Variants in CPEB3 observed in about 807,000 individuals in gnomAD.
CPEB3 encodes the protein cytoplasmic polyadenylation element-binding protein 3.
A neutral mutation model predicts 67.2 loss-of-function variants in CPEB3; 20 were observed. The observed-to-expected ratio is 0.30, with a 90% confidence interval of 0.21 to 0.43. The LOEUF (loss-of-function observed/expected upper bound fraction) is 0.43, where lower values mean the gene tolerates loss of function less well. Ranked by LOEUF, CPEB3 falls within the 20% of genes least tolerant of loss-of-function variation. The probability of loss-of-function intolerance (pLI) is 1.00; values close to 1 mark genes in which losing one functional copy is unlikely to be tolerated. For missense variants in CPEB3, 746 were observed against 968.6 expected, an observed-to-expected ratio of 0.77 and a Z score of 3.05; for synonymous variants, 376 against 393.1, an observed-to-expected ratio of 0.96 and a Z score of 0.51.
At chr10:92,188,349 A>AAAAAC (rs1848798233) in intron 3 of CPEB3, among the ~76,000 whole-genome samples, 1 of 149,438 alleles carries the variant, frequency 6.7e-6, no homozygotes, top group Non-Finnish European at 1.5e-5. Context: ...AAAAAAAAAA[A>AAAAAC]AAACCCAGGA....
At chr10:92,143,732 G>A (rs1846549210) in intron 5 of CPEB3, among the ~76,000 whole-genome samples, 1 of 151,986 alleles carries the variant, frequency 6.6e-6, no homozygotes, top group South Asian at 2.1e-4. Context: ...TTATAACCTG[G>A]CTCCTACTCA....
intron 3 of CPEB3, among the ~76,000 whole-genome samples, chr10:92,186,097 T>A (rs913504417): frequency 1.1e-4 from 16 of 151,370 alleles, no homozygotes; most frequent in Admixed American, 2.6e-4. Flanking sequence ...CAGCCTGGTG[T>A]GCACTGGTTC....
intron 2 of CPEB3, among the ~76,000 whole-genome samples, chr10:92,209,921 G>A (rs1235928276): frequency 1.6e-5 from 2 of 127,032 alleles, no homozygotes; most frequent in African/African-American, 3.0e-5. Flanking sequence ...CAGCCTGGGC[G>A]ACAGAGCTAG....
intron 1 of CPEB3, among the ~76,000 whole-genome samples, chr10:92,289,651 G>A (rs1430274572): frequency 2.8e-5 from 4 of 142,814 alleles, no homozygotes; most frequent in Non-Finnish European, 6.0e-5. Flanking sequence ...AGACCAATGC[G>A]GGTGGCTCGC....
At chr10:92,151,901 A>G (rs1473942491) in intron 4 of CPEB3, among the ~76,000 whole-genome samples, 1 of 152,146 alleles carries the variant, frequency 6.6e-6, no homozygotes, top group East Asian at 1.9e-4. Flanking sequence ...TATCCTAACT[A>G]TCCTCATCTC....
intron 4 of CPEB3, among the ~76,000 whole-genome samples, chr10:92,173,582 A>G (rs1194300648): frequency 1.3e-5 from 2 of 152,204 alleles, no homozygotes; most frequent in Admixed American, 6.5e-5. Flanking sequence ...TAATAATAAT[A>G]ATGTAACTAC....
intron 6 of CPEB3, among the ~76,000 whole-genome samples, chr10:92,133,748 T>C (rs1174114544): frequency 2.0e-5 from 3 of 152,188 alleles, no homozygotes; most frequent in African/African-American, 7.2e-5. Context: ...CTGACGAATA[T>C]GGATGCGAAA....
At chr10:92,182,970 T>C (rs184152413) in intron 3 of CPEB3, among the ~76,000 whole-genome samples, 7 of 152,332 alleles carry the variant, frequency 4.6e-5, no homozygotes, top group African/African-American at 1.4e-4. Flanking sequence ...TGATGGATTC[T>C]GATAAAACTG....
At chr10:92,192,390 A>C in intron 3 of CPEB3, 87 bp downstream of exon 3, 1 of 1,343,650 alleles carries the variant, frequency 7.4e-7, no homozygotes, top group Non-Finnish European at 1.0e-6. Flanking sequence ...AAGCAAACAA[A>C]AAACAAACCA....
chr10:92,251,195 C>G (rs543328036), intron 1 of CPEB3, among the ~76,000 whole-genome samples: 42 of 152,270 alleles, frequency 2.8e-4, no homozygotes, highest in African/African-American at 9.9e-4. Context: ...GCTCTACCAT[C>G]TAGGTTTGTG....
intron 4 of CPEB3, among the ~76,000 whole-genome samples, chr10:92,167,686 C>T (rs990887415): frequency 6.6e-6 from 1 of 152,170 alleles, no homozygotes; most frequent in Non-Finnish European, 1.5e-5. Context: ...GCAGGTGAAT[C>T]ACCTGAGGTC....
chr10:92,266,619 G>A (rs912811942), intron 1 of CPEB3, among the ~76,000 whole-genome samples: 2 of 152,038 alleles, frequency 1.3e-5, no homozygotes, highest in Non-Finnish European at 1.5e-5. Context: ...AATGGGAAGC[G>A]GGAGGGGGAA....
intron 6 of CPEB3, among the ~76,000 whole-genome samples, chr10:92,112,103 C>T (rs1844773251): frequency 6.9e-6 from 1 of 145,368 alleles, no homozygotes; most frequent in African/African-American, 2.5e-5. Context: ...TATGAGAATA[C>T]TAAAATAAGC....
Position 92,144,938 on chromosome 10 carries a change from A to G in CPEB3, c.1363+7T>C. ...CCTTTGCAAAATCATTAATGAATGC[A>G]TAGTACCTTCATCAATATCAGGAGG... On this transcript the variant is annotated splice_region_variant and intron_variant, in intron 5 of 9. Transcript: ENST00000265997. 1 of 1,613,768 alleles carries G rather than the reference A, an allele frequency of 6.2e-7. No homozygotes were observed. The highest frequency in any genetic ancestry group is 8.5e-7 in the Non-Finnish European group (1 of 1,179,826).
intron 7 of CPEB3, among the ~76,000 whole-genome samples, chr10:92,105,051 C>A (rs1372844573): frequency 6.6e-6 from 1 of 152,088 alleles, no homozygotes. Flanking sequence ...CAGGCAAGAG[C>A]CACCGTGCCC....
chr10:92,196,825 C>T (rs1208515121), intron 2 of CPEB3, among the ~76,000 whole-genome samples: 1 of 150,084 alleles, frequency 6.7e-6, no homozygotes, highest in Non-Finnish European at 1.5e-5. Context: ...CCAGCTACTT[C>T]AGAGGCTGAG....
At chr10:92,136,898 G>T in intron 6 of CPEB3, 1 of 161,570 alleles carries the variant, frequency 6.2e-6, no homozygotes. Context: ...TGGTCCCGAT[G>T]AGATGGAGCC....
At chr10:92,127,816 T>G (rs1029256561) in intron 6 of CPEB3, among the ~76,000 whole-genome samples, 4 of 152,052 alleles carry the variant, frequency 2.6e-5, no homozygotes, top group Non-Finnish European at 5.9e-5. Flanking sequence ...AGGGAGAGAA[T>G]GATAGGAGCT....
chr10:92,082,268 G>C (rs1340705033), intron 8 of CPEB3, among the ~76,000 whole-genome samples: 1 of 74,840 alleles, frequency 1.3e-5, no homozygotes, highest in African/African-American at 9.8e-5. Context: ...ATATGCCTTT[G>C]TTTGTTTGTT....
Sources: gnomAD v4.1 joint callset for allele counts (sites outside exome capture counted in the v4.1 genomes callset) on GRCh38, gnomAD v4.1.1 for gene constraint, MANE v1.5 for transcripts, NCBI Gene and HGNC (gene_info 2026-07-23, HGNC 2026-07-21) for gene names.